The following PTPN22 variants were observed in gnomAD, a reference collection of about 807,000 sequenced individuals.
PTPN22 encodes tyrosine-protein phosphatase non-receptor type 22.
PTPN22 carries 85 observed loss-of-function variants against 103.3 expected under a neutral mutation model. The ratio of observed to expected loss-of-function variants is 0.82; its 90% CI spans 0.69 to 0.99. The LOEUF (loss-of-function observed/expected upper bound fraction) is 0.99, where lower values mean the gene tolerates loss of function less well. Ranked by LOEUF, PTPN22 falls within the 50% of genes least tolerant of loss-of-function variation. PTPN22 has a pLI of 0.00. For missense variants in PTPN22, 865 were observed against 936.9 expected (o/e 0.92, Z 1.00); for synonymous variants, 323 against 310.2 (o/e 1.04, Z -0.43).
At chr1:113,849,669 C>G (rs532465787) in intron 10 of PTPN22, among the ~76,000 whole-genome samples, 8 of 151,674 alleles carry the variant, frequency 5.3e-5, no homozygotes, top group Admixed American at 3.3e-4. Context: ...CTTACTGCAG[C>G]CTCGACCTCC....
chr1:113,839,159 A>G (rs1348862265), intron 11 of PTPN22, among the ~76,000 whole-genome samples: 3 of 152,240 alleles, frequency 2.0e-5, no homozygotes, highest in African/African-American at 7.2e-5. Flanking sequence ...AAGTAATTAG[A>G]TCTCTGCTTA....
intron 18 of PTPN22, among the ~76,000 whole-genome samples, chr1:113,826,894 C>T (rs1038953003): frequency 6.6e-6 from 1 of 151,632 alleles, no homozygotes; most frequent in African/African-American, 2.4e-5. Flanking sequence ...TGGCCTCGAT[C>T]TCCTGACCTC....
chr1:113,837,828 A>G, exon 13 of PTPN22: 1 of 1,613,998 alleles, frequency 6.2e-7, no homozygotes, highest in Non-Finnish European at 8.5e-7. Context: ...AAGAATATAC[A>G]CCAAGAGCAC....
chr1:113,828,058 A>C (rs1662240809), intron 18 of PTPN22, among the ~76,000 whole-genome samples: 1 of 152,216 alleles, frequency 6.6e-6, no homozygotes, highest in Non-Finnish European at 1.5e-5. Context: ...ATTTTCTTCA[A>C]ACCATCTGAT....
At chr1:113,862,485 T>C (rs565649125) in intron 1 of PTPN22, among the ~76,000 whole-genome samples, 10 of 152,150 alleles carry the variant, frequency 6.6e-5, no homozygotes, top group Non-Finnish European at 1.3e-4. Flanking sequence ...TCCTGGCCAG[T>C]ATAACAAGGA....
intron 5 of PTPN22, chr1:113,857,463 ATCTAAT>A (rs1425659350): frequency 3.2e-6 from 1 of 314,396 alleles, no homozygotes; most frequent in Non-Finnish European, 5.9e-6. Flanking sequence ...AGTTAAAGAT[ATCTAAT>A]TAATAGAAAT....
intron 5 of PTPN22, 44 bp from the exon 6 acceptor site, chr1:113,856,663 T>C (rs374448602): frequency 3.3e-4 from 531 of 1,613,198 alleles, no homozygotes; most frequent in Non-Finnish European, 4.4e-4. Flanking sequence ...CCATATATTC[T>C]AGTCTTTTCC....
chr1:113,849,148 C>T (rs1664340641), intron 10 of PTPN22, among the ~76,000 whole-genome samples: 2 of 152,176 alleles, frequency 1.3e-5, no homozygotes, highest in African/African-American at 2.4e-5. Flanking sequence ...TATCCCAGGT[C>T]ATTCAGAAGG....
intron 13 of PTPN22, among the ~76,000 whole-genome samples, chr1:113,835,955 G>C (rs577511873): frequency 4.5e-4 from 68 of 151,398 alleles, no homozygotes; most frequent in South Asian, 3.5e-3. Flanking sequence ...TTTTTGAGAC[G>C]GAGTCTCGCT....
chr1:113,823,574 C>T (rs1384626491), intron 19 of PTPN22: 1 of 152,222 alleles, frequency 6.6e-6, no homozygotes, highest in East Asian at 1.9e-4. Context: ...AAGACTCAAT[C>T]TCTGAAAGTT....
intron 1 of PTPN22, among the ~76,000 whole-genome samples, chr1:113,869,256 C>T (rs548368875): frequency 1.3e-5 from 2 of 152,234 alleles, no homozygotes; most frequent in African/African-American, 4.8e-5. Flanking sequence ...TAAAAGATCA[C>T]TTGGGTGTTG....
chr1:113,814,958 G>A (rs368366403), exon 21 of PTPN22: 17 of 1,605,794 alleles, frequency 1.1e-5, no homozygotes, highest in Middle Eastern at 1.7e-4. Flanking sequence ...TTTGAAAAAC[G>A]GTTTGCAAAA....
At chr1:113,814,184 T>C (rs1375923003) in exon 21 of PTPN22, 1 of 152,312 alleles carries the variant, frequency 6.6e-6, no homozygotes, top group Non-Finnish European at 1.5e-5. Flanking sequence ...AAAGATCCTG[T>C]ATAAACATAT....
chr1:113,836,734 G>C (rs1317829292), intron 13 of PTPN22, among the ~76,000 whole-genome samples: 4 of 151,286 alleles, frequency 2.6e-5, no homozygotes, highest in African/African-American at 9.7e-5. Context: ...TCAAGACCAG[G>C]CTGGGCAACA....
intron 11 of PTPN22, among the ~76,000 whole-genome samples, chr1:113,844,668 A>G (rs1663894382): frequency 6.6e-6 from 1 of 151,956 alleles, no homozygotes; most frequent in South Asian, 2.1e-4. Flanking sequence ...GGTATGTTGT[A>G]TTTTCATTTT....
chr1:113,851,930 T>C (rs1664603116), intron 10 of PTPN22, 97 bp downstream of exon 10: 3 of 791,256 alleles, frequency 3.8e-6, no homozygotes, highest in South Asian at 4.1e-5. Context: ...TAAATTGGTG[T>C]TATATCTGAG....
At chr1:113,830,315 A>G (rs1229644244) in intron 16 of PTPN22, among the ~76,000 whole-genome samples, 6 of 152,176 alleles carry the variant, frequency 3.9e-5, no homozygotes, top group African/African-American at 1.4e-4. Context: ...CCCATTTTGC[A>G]TGAAATATTG....
At chr1:113,867,102 CTTTCT>C (rs1422555244) in intron 1 of PTPN22, among the ~76,000 whole-genome samples, 2 of 152,176 alleles carry the variant, frequency 1.3e-5, no homozygotes, top group Non-Finnish European at 2.9e-5. Context: ...GGTGAGTTTA[CTTTCT>C]TTTAACTTTC....
chr1:113,861,155 G>T (rs975751198), intron 1 of PTPN22, among the ~76,000 whole-genome samples: 1 of 152,174 alleles, frequency 6.6e-6, no homozygotes, highest in East Asian at 1.9e-4. Flanking sequence ...ATGTATGAAA[G>T]ATTTGATTTT....
Sources: gnomAD v4.1 joint callset for allele counts (sites outside exome capture counted in the v4.1 genomes callset) on GRCh38, gnomAD v4.1.1 for gene constraint, MANE v1.5 for transcripts, NCBI Gene and HGNC (gene_info 2026-07-23, HGNC 2026-07-21) for gene names.